The following CPXM2 variants were observed in gnomAD, a reference collection of about 807,000 sequenced individuals.
CPXM2 encodes inactive carboxypeptidase-like protein X2.
CPXM2 carries 66 observed loss-of-function variants against 86.1 expected under a neutral mutation model. The ratio of observed to expected loss-of-function variants is 0.77; its 90% CI spans 0.63 to 0.94. The LOEUF (loss-of-function observed/expected upper bound fraction) is 0.94. Ranked by LOEUF, CPXM2 falls within the 40% of genes least tolerant of loss-of-function variation. The pLI is 0.00. For synonymous variants in CPXM2, 388 were observed against 400.2 expected, an observed-to-expected ratio of 0.97 and a Z score of 0.36; for missense variants, 948 against 1,026.3, an observed-to-expected ratio of 0.92 and a Z score of 1.04.
chr10:123,843,769 C>T (rs1272358189), intron 3 of CPXM2, among the ~76,000 whole-genome samples: 1 of 152,138 alleles, frequency 6.6e-6, no homozygotes, highest in Non-Finnish European at 1.5e-5. Context: ...TACCAGCTAA[C>T]ATAAGCGTTC....
intron 1 of CPXM2, among the ~76,000 whole-genome samples, chr10:123,880,828 CAAAAAAAA>C (rs71484548): frequency 9.3e-5 from 5 of 53,970 alleles, no homozygotes; most frequent in Non-Finnish European, 1.3e-4. Flanking sequence ...GATTCCGTCT[CAAAAAAAA>C]AAAAAAAAAA....
intron 2 of CPXM2, chr10:123,914,257 C>T (rs1945516095): frequency 8.3e-6 from 3 of 360,068 alleles, no homozygotes; most frequent in South Asian, 2.1e-5. Flanking sequence ...CCATGGCTTC[C>T]TTCCCGGACA....
At chr10:123,884,255 G>T (rs1215523854) in intron 1 of CPXM2, among the ~76,000 whole-genome samples, 3 of 152,306 alleles carry the variant, frequency 2.0e-5, no homozygotes, top group South Asian at 2.1e-4. Flanking sequence ...GACCAAAGAG[G>T]TTCTCTGGGG....
At chr10:123,788,050 C>T (rs534800357) in intron 6 of CPXM2, among the ~76,000 whole-genome samples, 22 of 151,944 alleles carry the variant, frequency 1.4e-4, no homozygotes, top group South Asian at 6.3e-4. Context: ...GAGGCTGAGG[C>T]GGGTGGATCA....
intron 10 of CPXM2, among the ~76,000 whole-genome samples, chr10:123,763,488 G>A (rs1414889710): frequency 6.6e-6 from 1 of 151,128 alleles, no homozygotes; most frequent in Non-Finnish European, 1.5e-5. Flanking sequence ...TGTCTCTTTT[G>A]TTTTATCCCA....
intron 6 of CPXM2, among the ~76,000 whole-genome samples, chr10:123,794,089 C>T (rs761475997): frequency 7.9e-5 from 12 of 152,344 alleles, no homozygotes; most frequent in Non-Finnish European, 1.6e-4. Flanking sequence ...GTCACCTGCT[C>T]TTGGCCGACT....
chr10:123,904,487 G>A (rs1945414519), intron 2 of CPXM2, among the ~76,000 whole-genome samples: 1 of 152,202 alleles, frequency 6.6e-6, no homozygotes, highest in Non-Finnish European at 1.5e-5. Flanking sequence ...GAGTAAACAG[G>A]TTAACACATG....
At chr10:123,843,209 T>A (rs982098857) in intron 3 of CPXM2, 30 of 437,740 alleles carry the variant, frequency 6.9e-5, no homozygotes, top group South Asian at 4.1e-4. Flanking sequence ...TCCTCGGCCC[T>A]CTGAATAGCT....
intron 1 of CPXM2, among the ~76,000 whole-genome samples, chr10:123,880,586 T>G (rs953108576): frequency 1.3e-5 from 2 of 152,010 alleles, no homozygotes; most frequent in South Asian, 2.1e-4. Flanking sequence ...TCCCAGCACT[T>G]TGGGAGGCTA....
upstream of CPXM2, chr10:123,940,411 A>T (rs1414289767): frequency 6.6e-6 from 1 of 152,196 alleles, no homozygotes; most frequent in East Asian, 1.9e-4. Flanking sequence ...CCTTGTGATG[A>T]TGTGCACGGG....
rs55818352 is a variant in CPXM2 at position 123,788,279 on chromosome 10, CAAA to C, written c.890-8027_890-8025del. ...TGGGCGACAGAGCAAGACCCCATCT[CAAA>C]AAAAAAAAAAAAAAAGAAAAGAAAA... On this transcript the variant is annotated intron_variant, in intron 6 of 13. Coordinates refer to ENST00000241305, the MANE Select transcript of CPXM2 (RefSeq NM_198148.3). Among the ~76,000 whole-genome samples the C allele has an allele frequency of 1.5e-3, 191 of 124,216 alleles. 2 individuals carry two copies. The highest frequency in any genetic ancestry group is 3.0e-3 in the Admixed American group (36 of 12,004). 81.5% of individuals were successfully genotyped at this position (124,216 alleles called of 152,430 possible).
chr10:123,759,388 G>A (rs1238705719), intron 11 of CPXM2, among the ~76,000 whole-genome samples: 1 of 152,186 alleles, frequency 6.6e-6, no homozygotes, highest in Non-Finnish European at 1.5e-5. Context: ...GAGTGAGCCT[G>A]CCATTTTGCA....
At chr10:123,752,508 G>C (rs1426039472) in intron 13 of CPXM2, 2 of 985,284 alleles carry the variant, frequency 2.0e-6, no homozygotes, top group East Asian at 2.3e-4. Context: ...CAGGCCCACT[G>C]CTAGGGAGCC....
At chr10:123,773,053 GTTGTGGTTATCACTTCCCTGA>G (rs1241543631) in intron 7 of CPXM2, among the ~76,000 whole-genome samples, 1 of 151,320 alleles carries the variant, frequency 6.6e-6, no homozygotes, top group African/African-American at 2.4e-5. Context: ...CATTCCCCTG[GTTGTGGTTATCACTTCCCTGA>G]TTGTGGTTAT....
intron 3 of CPXM2, among the ~76,000 whole-genome samples, chr10:123,853,061 A>G (rs771137302): frequency 3.7e-4 from 57 of 152,072 alleles, no homozygotes; most frequent in Non-Finnish European, 6.5e-4. Flanking sequence ...ATGGGGGTGG[A>G]TCTCCCCCTT....
At chr10:123,917,529 A>G (rs1324367164) in intron 2 of CPXM2, among the ~76,000 whole-genome samples, 1 of 152,224 alleles carries the variant, frequency 6.6e-6, no homozygotes, top group Non-Finnish European at 1.5e-5. Flanking sequence ...TTGTACACAT[A>G]ATAATAGATG....
chr10:123,784,083 G>A (rs1474715819), intron 6 of CPXM2, among the ~76,000 whole-genome samples: 1 of 152,214 alleles, frequency 6.6e-6, no homozygotes, highest in Non-Finnish European at 1.5e-5. Context: ...GCTTGAGAGT[G>A]TGACCTTGCT....
intron 7 of CPXM2, among the ~76,000 whole-genome samples, chr10:123,771,993 C>A (rs1241714360): frequency 2.0e-5 from 3 of 152,206 alleles, no homozygotes; most frequent in Non-Finnish European, 4.4e-5. Context: ...TTCTTCATAG[C>A]AGCATGAGAA....
chr10:123,757,160 A>G, intron 12 of CPXM2, 53 bp downstream of exon 12: 2 of 1,557,504 alleles, frequency 1.3e-6, no homozygotes, highest in Non-Finnish European at 1.8e-6. Flanking sequence ...CCACCTCGGC[A>G]GCCTCATCCC....
Sources: gnomAD v4.1 joint callset for allele counts (sites outside exome capture counted in the v4.1 genomes callset) on GRCh38, gnomAD v4.1.1 for gene constraint, MANE v1.5 for transcripts, NCBI Gene and HGNC (gene_info 2026-07-23, HGNC 2026-07-21) for gene names.